The following DDX1 variants were observed in gnomAD, a reference collection of about 807,000 sequenced individuals.
The protein encoded by DDX1 is ATP-dependent RNA helicase DDX1.
Under a neutral mutation model 108.7 loss-of-function variants are expected in DDX1, and 28 were observed. That is an observed-to-expected ratio of 0.26 (90% CI 0.19 to 0.35). The LOEUF (loss-of-function observed/expected upper bound fraction) is 0.35. Among genes scored for constraint, DDX1 ranks in the 10% least tolerant of loss-of-function variants. DDX1 has a pLI of 1.00. For missense variants in DDX1, 710 were observed against 884.5 expected (o/e 0.80, Z 2.50); for synonymous variants, 295 against 288.9 (o/e 1.02, Z -0.21).
intron 13 of DDX1, among the ~76,000 whole-genome samples, chr2:15,609,668 G>A (rs1381317818): frequency 2.6e-5 from 4 of 152,080 alleles, no homozygotes. Flanking sequence ...ATTATCATGT[G>A]TATGTGTGTT....
Position 15,628,833 on chromosome 2 carries a change from AG to A in DDX1, c.1870del (p.Glu624LysfsTer39). 1 of 1,613,432 alleles carries A rather than the reference AG, an allele frequency of 6.2e-7. No individual in the cohort carries two copies. Among genetic ancestry groups the A allele is most frequent in the Non-Finnish European group, 8.5e-7 (1 of 1,179,416 alleles). On this transcript the variant is annotated frameshift_variant, in exon 23 of 26. Coordinates refer to ENST00000233084, the MANE Select transcript of DDX1 (RefSeq NM_004939.3). LOFTEE classifies it high-confidence loss of function. ...LAISLVATEK[E>X]KVWYHVCSSR... The stretch of plus-strand genomic sequence containing the variant: ...CAATTTCCCTGGTGGCAACAGAAAA[AG>A]AAAAGGTAATCTTTGTAGGGCTCTA...
intron 20 of DDX1, chr2:15,627,505 A>T (rs1403062281): frequency 1.6e-5 from 3 of 186,746 alleles, no homozygotes; most frequent in Non-Finnish European, 3.4e-5. Flanking sequence ...TTGTAGATTA[A>T]TTAAGACAGG....
At chr2:15,621,174 C>G in intron 18 of DDX1, 58 bp downstream of exon 18, 1 of 1,226,370 alleles carries the variant, frequency 8.2e-7, no homozygotes, top group African/African-American at 1.5e-5. Flanking sequence ...TATACCTTAC[C>G]TATTCTCATG....
chr2:15,595,506 C>A lies in DDX1; in HGVS notation c.85C>A (p.Gln29Lys). 6.2e-7 allele frequency: 1 copy of A among 1,611,158 alleles called. No individual in the cohort carries two copies. Among genetic ancestry groups the A allele is most frequent in the Non-Finnish European group, 8.5e-7 (1 of 1,177,404 alleles). Reference protein sequence around the residue: ...EMDWLLPTDIQAESIPLILGG... With the variant: ...EMDWLLPTDIKAESIPLILGG... ...TTCTTTTAGCCTCCCAACTGATATC[C>A]AGGCTGAATCTATCCCATTGATCTT... is the stretch of plus-strand genomic sequence containing the variant. Residue 29 changes from glutamine to lysine, a missense_variant, in exon 3 of 26, where the codon CAG (glutamine) becomes AAG (lysine). Around this residue, in one of 3 missense-constraint regions of DDX1, gnomAD observed 48 missense variants for 57.5 expected, o/e 0.83. Transcript: ENST00000233084.
chr2:15,627,449 A>G (rs528806960), intron 20 of DDX1: 35 of 221,962 alleles, frequency 1.6e-4, no homozygotes, highest in Admixed American at 1.6e-3. Context: ...AGCCATGTCT[A>G]TGTGCCTTAA....
At chr2:15,597,784 A>T (rs1263012865) in intron 5 of DDX1, among the ~76,000 whole-genome samples, 1 of 152,232 alleles carries the variant, frequency 6.6e-6, no homozygotes, top group East Asian at 1.9e-4. Context: ...GAAAATAGGT[A>T]CATTTTACAA....
rs1266025847 is a variant in DDX1, at chr2:15,620,286, G to C, written c.1285G>C (p.Val429Leu). ...SEKIMHFPTW[V>L]DLKGEDSVPD... ...GAAGATAATGCATTTTCCTACATGG[G>C]TTGACTTAAAAGGAGAAGACTCTGT... Residue 429 changes from valine (V) to leucine (L), a missense_variant, in exon 17 of 26, where the codon GTT (valine) becomes CTT (leucine). This residue lies in a region of DDX1 where 661 missense variants were observed against 810.2 expected (regional missense o/e 0.82). Transcript: ENST00000233084. 1 of 1,613,848 alleles carries C rather than the reference G, an allele frequency of 6.2e-7. No individual in the cohort carries two copies. Among genetic ancestry groups the C allele is most frequent in the African/African-American group, 1.3e-5 (1 of 74,886 alleles).
intron 19 of DDX1, among the ~76,000 whole-genome samples, chr2:15,625,819 A>T (rs928380782): frequency 1.3e-5 from 2 of 152,268 alleles, no homozygotes; most frequent in Admixed American, 1.3e-4. Context: ...CTCAAGAAGG[A>T]TATAGAATAT....
intron 13 of DDX1, among the ~76,000 whole-genome samples, chr2:15,609,731 A>C (rs1665723382): frequency 1.4e-5 from 2 of 145,784 alleles, no homozygotes; most frequent in African/African-American, 5.4e-5. Flanking sequence ...AATGTGGATA[A>C]AAGTAAAAGT....
At chr2:15,595,599 T>C in intron 3 of DDX1, 46 bp downstream of exon 3, 1 of 1,287,324 alleles carries the variant, frequency 7.8e-7, no homozygotes, top group Non-Finnish European at 1.1e-6. Flanking sequence ...GGACACACTC[T>C]AAGAATTGCA....
intron 5 of DDX1, 145 bp from the exon 6 acceptor site, chr2:15,599,524 G>A: frequency 2.1e-6 from 1 of 466,866 alleles, no homozygotes; most frequent in South Asian, 4.1e-5. Flanking sequence ...CGTTGGCCAG[G>A]CTGGTCTTGA....
chr2:15,612,758 A>G (rs1665797851), intron 13 of DDX1, among the ~76,000 whole-genome samples: 1 of 152,224 alleles, frequency 6.6e-6, no homozygotes, highest in Non-Finnish European at 1.5e-5. Flanking sequence ...CAATCCCGGC[A>G]CCTCGGGAGG....
In DDX1 at chr2:15,592,536, G is replaced by A. The variant is rs367686576; in HGVS notation, c.16+587G>A. 1.1e-4 allele frequency among the ~76,000 whole-genome samples: 16 copies of A among 152,198 alleles called. 1 individual carries two copies. In the East Asian group the frequency reaches 2.3e-3, roughly 22 times the overall value. On this transcript the variant is annotated intron_variant, in intron 1 of 25. Transcript: ENST00000233084. Reference sequence around the variant, plus strand: ...CTAAAGGGAAAGCATTTTCATTAACGTACGCACCAGTCCAACATAAGTTTG... The same window carrying A: ...CTAAAGGGAAAGCATTTTCATTAACATACGCACCAGTCCAACATAAGTTTG...
At chr2:15,594,161 GAA>G (rs1242333498) in intron 1 of DDX1, among the ~76,000 whole-genome samples, 10 of 152,080 alleles carry the variant, frequency 6.6e-5, no homozygotes, top group South Asian at 6.2e-4. Flanking sequence ...CTGATGCAAA[GAA>G]AAAGCTACAT....
intron 13 of DDX1, among the ~76,000 whole-genome samples, chr2:15,612,155 C>T (rs1289179098): frequency 1.3e-5 from 2 of 150,972 alleles, no homozygotes; most frequent in Admixed American, 6.6e-5. Flanking sequence ...CCCCCACCTC[C>T]CTCCTGGACG....
intron 13 of DDX1, among the ~76,000 whole-genome samples, chr2:15,610,669 A>T (rs1665736061): frequency 6.6e-6 from 1 of 152,224 alleles, no homozygotes; most frequent in Non-Finnish European, 1.5e-5. Context: ...ATACAAGTAT[A>T]TATGTCTGAA....
intron 20 of DDX1, chr2:15,627,397 T>C (rs1278754617): frequency 1.0e-5 from 3 of 298,864 alleles, no homozygotes; most frequent in African/African-American, 6.6e-5. Context: ...AGTTAAATTA[T>C]TTCAGGTAGA....
intron 13 of DDX1, among the ~76,000 whole-genome samples, chr2:15,612,900 G>A (rs1018606193): frequency 6.7e-6 from 1 of 149,548 alleles, no homozygotes; most frequent in Non-Finnish European, 1.5e-5. Flanking sequence ...GCAGGCACTC[G>A]GCAAGCTGAG....
At chr2:15,603,999 T>G (rs3213793) in intron 9 of DDX1, 109 bp downstream of exon 9, 132,649 of 688,074 alleles carry the variant, frequency 0.19, 14,898 homozygotes, top group African/African-American at 0.42. Context: ...TGAGCAGATT[T>G]TCTGTATATT....
Sources: gnomAD v4.1 joint callset for allele counts (sites outside exome capture counted in the v4.1 genomes callset) on GRCh38, gnomAD v4.1.1 for gene constraint, gnomAD v4.1.1 regional missense constraint, MANE v1.5 for transcripts, NCBI Gene and HGNC (gene_info 2026-07-23, HGNC 2026-07-21) for gene names.